Variants in CACNA2D1 observed in about 807,000 individuals in gnomAD.
CACNA2D1 encodes voltage-dependent calcium channel subunit alpha-2/delta-1.
CACNA2D1 carries 53 observed loss-of-function variants against 171.5 expected under a neutral mutation model. The ratio of observed to expected loss-of-function variants is 0.31; its 90% CI spans 0.25 to 0.39. CACNA2D1 has a LOEUF of 0.39. Ranked by LOEUF, CACNA2D1 falls within the 10% of genes least tolerant of loss-of-function variation. CACNA2D1 has a pLI of 1.00. For missense variants in CACNA2D1, 903 were observed against 1,299.8 expected, an observed-to-expected ratio of 0.69 and a Z score of 4.69; for synonymous variants, 442 against 443.1, an observed-to-expected ratio of 1.00 and a Z score of 0.03.
intron 5 of CACNA2D1, among the ~76,000 whole-genome samples, chr7:82,133,567 G>C (rs1473778540): frequency 1.3e-5 from 2 of 152,080 alleles, no homozygotes; most frequent in Non-Finnish European, 2.9e-5. Flanking sequence ...CCACTTTTGG[G>C]AATCTATCCT....
intron 3 of CACNA2D1, among the ~76,000 whole-genome samples, chr7:82,183,671 C>CA (rs1404767006): frequency 6.6e-6 from 1 of 151,926 alleles, no homozygotes; most frequent in African/African-American, 2.4e-5. Flanking sequence ...TTTTGCAAAA[C>CA]AGAGTAGCGA....
intron 6 of CACNA2D1, among the ~76,000 whole-genome samples, chr7:82,114,541 G>T (rs963498247): frequency 6.6e-6 from 1 of 152,062 alleles, no homozygotes; most frequent in Non-Finnish European, 1.5e-5. Flanking sequence ...TCAGGAGTTT[G>T]AGATCAGCCT....
At chr7:82,291,267 T>C (rs1005366712) in intron 3 of CACNA2D1, among the ~76,000 whole-genome samples, 2 of 142,332 alleles carry the variant, frequency 1.4e-5, no homozygotes, top group Admixed American at 7.2e-5. Context: ...ATATAGAATA[T>C]AGTGTATATA....
In CACNA2D1 at chr7:82,303,043, G is replaced by A. The variant is rs530442520; in HGVS notation, c.294+32092C>T. 2.6e-5 allele frequency among the ~76,000 whole-genome samples: 4 copies of A among 152,204 alleles called. No homozygotes were observed. The South Asian group carries it at 8.3e-4, about 32-fold the overall frequency. On this transcript the variant is annotated intron_variant, in intron 3 of 38. Transcript: ENST00000356860. The stretch of plus-strand genomic sequence containing the variant: ...GAGTCTCCCTCTGTCGCCCAGGCTG[G>A]AGTGCAGTGGTGCGATCTCGGCTCA...
intron 1 of CACNA2D1, among the ~76,000 whole-genome samples, chr7:82,423,216 T>C (rs1053811690): frequency 3.9e-5 from 6 of 152,036 alleles, no homozygotes; most frequent in East Asian, 1.9e-4. Flanking sequence ...TATATATATA[T>C]ACATATATAT....
intron 12 of CACNA2D1, among the ~76,000 whole-genome samples, chr7:82,016,155 T>C (rs772666035): frequency 1.3e-5 from 2 of 152,198 alleles, no homozygotes; most frequent in Non-Finnish European, 2.9e-5. Context: ...TTTTTGGGTC[T>C]GTCTATAAAT....
At chr7:82,356,091 G>C (rs1160658367) in intron 1 of CACNA2D1, among the ~76,000 whole-genome samples, 1 of 152,030 alleles carries the variant, frequency 6.6e-6, no homozygotes, top group African/African-American at 2.4e-5. Flanking sequence ...CCAACACAGA[G>C]CTAATAGCCA....
chr7:82,020,848 A>G (rs983005149), intron 12 of CACNA2D1: 2 of 152,162 alleles, frequency 1.3e-5, no homozygotes, highest in Non-Finnish European at 2.9e-5. Flanking sequence ...TGACGGAGAG[A>G]AGAATTTAAT....
rs1794859373 is a variant in CACNA2D1, at chr7:81,967,721, A to AATATG, written c.2396-63_2396-59dup. 3 of 784,882 alleles carry AATATG rather than the reference A, an allele frequency of 3.8e-6. No individual in the cohort carries two copies. In the African/African-American group the frequency reaches 5.2e-5, roughly 14 times the overall value. 48.6% of individuals were successfully genotyped at this position (784,882 alleles called of 1,614,324 possible). On this transcript the variant is annotated intron_variant, in intron 29 of 38. Coordinates refer to ENST00000356860, the MANE Select transcript of CACNA2D1 (RefSeq NM_000722.4). ...TAATTAGATGTAATACAACCTTTGC[A>AATATG]ATATGACAGTTATTTTGATAGCAAG...
At chr7:82,339,358 T>C (rs1818348764) in intron 2 of CACNA2D1, among the ~76,000 whole-genome samples, 1 of 152,206 alleles carries the variant, frequency 6.6e-6, no homozygotes, top group Non-Finnish European at 1.5e-5. Flanking sequence ...TACTTGCACC[T>C]GTACTTTCCT....
intron 1 of CACNA2D1, among the ~76,000 whole-genome samples, chr7:82,413,259 A>C (rs1477610995): frequency 6.6e-6 from 1 of 152,146 alleles, no homozygotes; most frequent in East Asian, 1.9e-4. Flanking sequence ...TAATTTATTA[A>C]TTTTTCATCT....
At chr7:82,290,602 AT>A (rs1410864152) in intron 3 of CACNA2D1, among the ~76,000 whole-genome samples, 17 of 144,618 alleles carry the variant, frequency 1.2e-4, no homozygotes, top group East Asian at 2.0e-4. Flanking sequence ...AAAGCCATGA[AT>A]TTTTTTTTTT....
intron 3 of CACNA2D1, among the ~76,000 whole-genome samples, chr7:82,192,461 TG>T (rs1186349938): frequency 0.022 from 22 of 1,018 alleles, no homozygotes; most frequent in Admixed American, 0.065. Context: ...TGTTTGTGTT[TG>T]TGTGTGTGTG....
At chr7:82,257,873 T>C (rs890167149) in intron 3 of CACNA2D1, among the ~76,000 whole-genome samples, 1 of 152,190 alleles carries the variant, frequency 6.6e-6, no homozygotes, top group African/African-American at 2.4e-5. Flanking sequence ...ATTTTGTTTG[T>C]AGATTTATCT....
At chr7:81,995,357 G>T (rs1002495265) in intron 19 of CACNA2D1, among the ~76,000 whole-genome samples, 1 of 152,088 alleles carries the variant, frequency 6.6e-6, no homozygotes, top group Non-Finnish European at 1.5e-5. Flanking sequence ...ATATTTTTAA[G>T]AGGACTCTTT....
chr7:82,043,544 A>G (rs1213433655), intron 10 of CACNA2D1, among the ~76,000 whole-genome samples: 4 of 152,222 alleles, frequency 2.6e-5, no homozygotes, highest in African/African-American at 9.6e-5. Context: ...ATGCATTTCA[A>G]TACTTCCAAA....
chr7:82,016,327 TG>T lies in CACNA2D1; in HGVS notation c.1144-1849del, dbSNP rs896024390. The stretch of plus-strand genomic sequence containing the variant: ...AAAGTCCAGATGCTCCAGGAAGCAC[TG>T]GGGGATCTCTCTCATAACTAACATT... On this transcript the variant is annotated intron_variant, in intron 12 of 38. Coordinates refer to ENST00000356860, the MANE Select transcript of CACNA2D1 (RefSeq NM_000722.4). Among the ~76,000 whole-genome samples the T allele has an allele frequency of 5.3e-5, 8 of 152,246 alleles. No individual in the cohort carries two copies. In the East Asian group the frequency reaches 1.5e-3, roughly 29 times the overall value.
At chr7:82,348,212 A>T (rs17156184) in intron 2 of CACNA2D1, among the ~76,000 whole-genome samples, 2,732 of 151,944 alleles carry the variant, frequency 0.018, 110 homozygotes, top group African/African-American at 0.062. Flanking sequence ...AAATTAACAA[A>T]GAAGATTTGG....
intron 6 of CACNA2D1, among the ~76,000 whole-genome samples, chr7:82,102,269 T>G (rs1812766224): frequency 6.6e-6 from 1 of 151,988 alleles, no homozygotes; most frequent in Admixed American, 6.6e-5. Context: ...AGATAAAACT[T>G]TTAGATAAAA....
Sources: allele counts gnomAD v4.1 joint callset (sites outside exome capture counted in the v4.1 genomes callset), GRCh38; gene constraint gnomAD v4.1.1; transcripts MANE v1.5; gene names NCBI Gene and HGNC (gene_info 2026-07-23, HGNC 2026-07-21).